RANBP2: variants seen among roughly 807,000 people sequenced by gnomAD.
The protein encoded by RANBP2 is E3 SUMO-protein ligase RanBP2.
A neutral mutation model predicts 303.6 loss-of-function variants in RANBP2; 57 were observed. That is an observed-to-expected ratio of 0.19 (90% confidence interval 0.15 to 0.23). The LOEUF is 0.23. Among genes scored for constraint, RANBP2 ranks in the 10% least tolerant of loss-of-function variants. RANBP2 has a pLI of 1.00. For synonymous variants in RANBP2, 1,167 were observed against 1,301.5 expected, an observed-to-expected ratio of 0.90 and a Z score of 2.23; for missense variants, 3,138 against 3,780.8, an observed-to-expected ratio of 0.83 and a Z score of 4.46.
At chr2:109,142,662 T>A in the RANBP2 span, among the ~76,000 whole-genome samples, 4 of 152,152 alleles carry the variant, frequency 2.6e-5, no homozygotes, top group Admixed American at 2.6e-4. Flanking sequence ...GAGCCCTCCA[T>A]CCTGGAGTCA....
At chr2:109,335,418 C>T in the RANBP2 span, among the ~76,000 whole-genome samples, 4 of 152,178 alleles carry the variant, frequency 2.6e-5, no homozygotes, top group Non-Finnish European at 5.9e-5. Flanking sequence ...CTGGGAAGCC[C>T]GTACCTCTTC....
At chr2:108,906,326 C>G in the RANBP2 span, 1 of 1,614,208 alleles carries the variant, frequency 6.2e-7, no homozygotes, top group African/African-American at 1.3e-5. Flanking sequence ...ACTCCACACA[C>G]GTTGGCATAC....
chr2:109,390,574 C>T, the RANBP2 span, among the ~76,000 whole-genome samples: 1 of 152,170 alleles, frequency 6.6e-6, no homozygotes, highest in Non-Finnish European at 1.5e-5. Flanking sequence ...CTCATTTCCC[C>T]GTGAGGACTA....
chr2:109,559,790 G>T, the RANBP2 span, among the ~76,000 whole-genome samples: 1 of 152,102 alleles, frequency 6.6e-6, no homozygotes, highest in Non-Finnish European at 1.5e-5. Context: ...AACAAAAAAG[G>T]CTGGCAATGG....
the RANBP2 span, among the ~76,000 whole-genome samples, chr2:109,143,855 T>C: frequency 6.6e-6 from 1 of 151,974 alleles, no homozygotes; most frequent in South Asian, 2.1e-4. Flanking sequence ...AACAATGGAA[T>C]ATTATTCAAT....
chr2:109,583,532 T>C, the RANBP2 span, among the ~76,000 whole-genome samples: 6 of 152,350 alleles, frequency 3.9e-5, no homozygotes, highest in African/African-American at 1.4e-4. Flanking sequence ...GCTTGTACCC[T>C]GCTGGTGGGA....
At chr2:109,319,757 C>G in the RANBP2 span, among the ~76,000 whole-genome samples, 6 of 152,210 alleles carry the variant, frequency 3.9e-5, no homozygotes, top group African/African-American at 7.2e-5. Context: ...CTGTCCAGGC[C>G]GTGTGTGGCT....
At chr2:109,544,415 C>T in the RANBP2 span, 1 of 1,477,768 alleles carries the variant, frequency 6.8e-7, no homozygotes, top group East Asian at 2.3e-5. Context: ...TATAGGATAT[C>T]TGGCCATGGG....
At chr2:108,742,913 C>T (rs1388794143) in intron 7 of RANBP2, among the ~76,000 whole-genome samples, 18 of 152,034 alleles carry the variant, frequency 1.2e-4, no homozygotes, top group Non-Finnish European at 1.0e-4. Flanking sequence ...CTCAGCCTCC[C>T]GAGTAGCTGG....
the RANBP2 span, among the ~76,000 whole-genome samples, chr2:109,584,142 A>G: frequency 6.6e-6 from 1 of 152,214 alleles, no homozygotes; most frequent in Admixed American, 6.5e-5. Context: ...TCTAAACGAA[A>G]AATTGAAATT....
At chr2:109,464,284 T>C in the RANBP2 span, among the ~76,000 whole-genome samples, 4 of 152,136 alleles carry the variant, frequency 2.6e-5, no homozygotes, top group Non-Finnish European at 5.9e-5. Flanking sequence ...ATACACACAT[T>C]CATACATATA....
the RANBP2 span, among the ~76,000 whole-genome samples, chr2:109,691,957 AT>A: frequency 6.6e-6 from 1 of 151,436 alleles, no homozygotes. Flanking sequence ...TAATTTTTGT[AT>A]TTTTTAGTAG....
the RANBP2 span, among the ~76,000 whole-genome samples, chr2:109,237,373 A>G: frequency 6.6e-6 from 1 of 152,242 alleles, no homozygotes; most frequent in Non-Finnish European, 1.5e-5. Flanking sequence ...CTCAGCTTTC[A>G]AAGTAACAAA....
chr2:108,923,856 C>T, the RANBP2 span, among the ~76,000 whole-genome samples: 1 of 152,252 alleles, frequency 6.6e-6, no homozygotes, highest in East Asian at 1.9e-4. Context: ...CCTCTGTGAG[C>T]ACCCTCCCCA....
the RANBP2 span, among the ~76,000 whole-genome samples, chr2:109,609,827 G>C: frequency 6.6e-6 from 1 of 152,110 alleles, no homozygotes; most frequent in East Asian, 1.9e-4. Flanking sequence ...CCACTTAAAA[G>C]GTAAGGATAA....
At chr2:108,853,057 C>T in the RANBP2 span, among the ~76,000 whole-genome samples, 3 of 152,132 alleles carry the variant, frequency 2.0e-5, no homozygotes, top group Non-Finnish European at 2.9e-5. Flanking sequence ...TGAGATCTAC[C>T]TTAAGAAATA....
the RANBP2 span, among the ~76,000 whole-genome samples, chr2:108,914,120 C>G: frequency 6.6e-6 from 1 of 151,728 alleles, no homozygotes; most frequent in Non-Finnish European, 1.5e-5. Context: ...ATTAGCCAGG[C>G]ATGATGGCGC....
the RANBP2 span, among the ~76,000 whole-genome samples, chr2:109,526,270 G>C: frequency 6.6e-6 from 1 of 152,094 alleles, no homozygotes; most frequent in Non-Finnish European, 1.5e-5. Flanking sequence ...GTGGCCCTGG[G>C]CAAGGCACCA....
chr2:108,844,953 G>C, the RANBP2 span, among the ~76,000 whole-genome samples: 1 of 151,884 alleles, frequency 6.6e-6, no homozygotes, highest in African/African-American at 2.4e-5. Flanking sequence ...TCACCATGTT[G>C]GCCAGAATGG....
Sources: gnomAD v4.1 joint callset for allele counts (sites outside exome capture counted in the v4.1 genomes callset) on GRCh38, gnomAD v4.1.1 for gene constraint, MANE v1.5 for transcripts, NCBI Gene and HGNC (gene_info 2026-07-23, HGNC 2026-07-21) for gene names.